ZNF322: variants seen among roughly 807,000 people sequenced by gnomAD.
The protein encoded by ZNF322 is HLA complex group 12.
Under a neutral mutation model 18.3 loss-of-function variants are expected in ZNF322, and 1 was observed. The observed-to-expected ratio is 0.05, with a 90% CI of 0.02 to 0.26. The LOEUF is 0.26. ZNF322 is among the 10% of genes least tolerant of loss of function. The probability of loss-of-function intolerance (pLI) is 1.00; values close to 1 mark genes in which losing one functional copy is unlikely to be tolerated. For missense variants in ZNF322, 36 were observed against 403.6 expected (o/e 0.09, Z 7.80); for synonymous variants, 17 against 130.7 (o/e 0.13, Z 5.93).
intron 2 of ZNF322, among the ~76,000 whole-genome samples, chr6:26,655,730 G>A (rs1454727458): frequency 2.6e-5 from 4 of 152,176 alleles, no homozygotes; most frequent in African/African-American, 9.7e-5. Context: ...CACCCTCATA[G>A]ACTAATGCCA....
At chr6:26,640,493 GCTCT>G (rs1222168922) in intron 3 of ZNF322, among the ~76,000 whole-genome samples, 2 of 151,838 alleles carry the variant, frequency 1.3e-5, no homozygotes, top group East Asian at 1.9e-4. Flanking sequence ...AATCTTCAAG[GCTCT>G]CTCTCTCACC....
At chr6:26,656,001 G>A (rs1196549655) in intron 2 of ZNF322, among the ~76,000 whole-genome samples, 2 of 152,180 alleles carry the variant, frequency 1.3e-5, no homozygotes, top group South Asian at 2.1e-4. Context: ...ATAGACAGAG[G>A]CAAAATCATA....
chr6:26,647,135 T>C (rs886133102), intron 2 of ZNF322, among the ~76,000 whole-genome samples: 2 of 151,876 alleles, frequency 1.3e-5, no homozygotes, highest in Non-Finnish European at 2.9e-5. Context: ...TGAGACCCAA[T>C]TTCTATTTTA....
At chr6:26,650,001 CA>C (rs1225076920) in intron 2 of ZNF322, among the ~76,000 whole-genome samples, 1 of 151,542 alleles carries the variant, frequency 6.6e-6, no homozygotes, top group Non-Finnish European at 1.5e-5. Context: ...CTGTGCCAGC[CA>C]AAAACATTTT....
At chr6:26,645,789 T>C (rs1295758328) in intron 2 of ZNF322, among the ~76,000 whole-genome samples, 1 of 152,170 alleles carries the variant, frequency 6.6e-6, no homozygotes, top group African/African-American at 2.4e-5. Context: ...CCCCGCACTT[T>C]GGGAGACCGA....
Position 26,638,468 on chromosome 6 carries a change from A to G in ZNF322, c.86T>C (p.Phe29Ser). The change falls in exon 4 of 4, where the codon TTT (phenylalanine) becomes TCT (serine). Residue 29 changes from phenylalanine (F) to serine (S), a missense_variant. Transcript: ENST00000415922. Reference sequence around the variant, plus strand: ...CTGAATAATCTCATGCATATGAATAAAAATCTTTTTACCCTTCCGAGGGCA... The same window carrying G: ...CTGAATAATCTCATGCATATGAATAGAAATCTTTTTACCCTTCCGAGGGCA... Reference protein sequence around the residue: ...NVCPRKGKKIFIHMHEIIQID... With the variant: ...NVCPRKGKKISIHMHEIIQID... 6.2e-7 allele frequency: 1 copy of G among 1,612,546 alleles called. No individual in the cohort carries two copies. The highest frequency in any genetic ancestry group is 1.3e-5 in the African/African-American group (1 of 75,004).
chr6:26,643,051 T>C (rs1454442530), intron 3 of ZNF322, among the ~76,000 whole-genome samples: 1 of 152,230 alleles, frequency 6.6e-6, no homozygotes, highest in African/African-American at 2.4e-5. Flanking sequence ...TGAGCTGCCC[T>C]GCTAGCCTGT....
At chr6:26,655,483 G>A (rs989236193) in intron 2 of ZNF322, among the ~76,000 whole-genome samples, 7 of 152,206 alleles carry the variant, frequency 4.6e-5, no homozygotes, top group Admixed American at 3.9e-4. Flanking sequence ...ATGGCATGTA[G>A]CTAGCAGTAC....
At chr6:26,655,759 C>T (rs142892334) in intron 2 of ZNF322, among the ~76,000 whole-genome samples, 62 of 152,264 alleles carry the variant, frequency 4.1e-4, no homozygotes, top group Non-Finnish European at 7.1e-4. Flanking sequence ...GGAGTCGGTT[C>T]CTCACAAAAA....
At chr6:26,655,843 C>A (rs782745213) in intron 2 of ZNF322, among the ~76,000 whole-genome samples, 16 of 152,142 alleles carry the variant, frequency 1.1e-4, no homozygotes, top group Non-Finnish European at 2.2e-4. Context: ...TGAAATGACA[C>A]AGCAAGAAGG....
chr6:26,652,460 G>A (rs1199208176), intron 2 of ZNF322, among the ~76,000 whole-genome samples: 4 of 152,136 alleles, frequency 2.6e-5, no homozygotes, highest in East Asian at 1.9e-4. Context: ...AGGCTGAGGC[G>A]GGTGGATCAC....
intron 2 of ZNF322, among the ~76,000 whole-genome samples, chr6:26,656,501 A>C (rs1162934035): frequency 6.6e-6 from 1 of 151,590 alleles, no homozygotes; most frequent in Non-Finnish European, 1.5e-5. Flanking sequence ...ACTTGCAATA[A>C]CTAATAAAAC....
At chr6:26,647,726 T>C (rs1172622038) in intron 2 of ZNF322, among the ~76,000 whole-genome samples, 1 of 152,116 alleles carries the variant, frequency 6.6e-6, no homozygotes, top group Non-Finnish European at 1.5e-5. Flanking sequence ...TCTATAAATC[T>C]ACACAGACCA....
chr6:26,658,877 TA>T (rs1765829539), intron 1 of ZNF322: 1 of 152,238 alleles, frequency 6.6e-6, no homozygotes, highest in Admixed American at 6.5e-5. Context: ...AGAATCTTTC[TA>T]TTACTAACTG....
chr6:26,639,078 G>A (rs1561921316), intron 3 of ZNF322, among the ~76,000 whole-genome samples: 1 of 152,132 alleles, frequency 6.6e-6, no homozygotes, highest in Non-Finnish European at 1.5e-5. Flanking sequence ...AGTATCTCTG[G>A]AGTCCTTTCT....
chr6:26,651,794 G>A (rs976222608), intron 2 of ZNF322, among the ~76,000 whole-genome samples: 4 of 152,198 alleles, frequency 2.6e-5, no homozygotes, highest in African/African-American at 9.6e-5. Flanking sequence ...AACTTCTAGA[G>A]GATAACATAG....
chr6:26,655,370 T>C (rs1468541920), intron 2 of ZNF322, among the ~76,000 whole-genome samples: 4 of 152,204 alleles, frequency 2.6e-5, no homozygotes, highest in Admixed American at 6.5e-5. Flanking sequence ...TTTTAGTAAA[T>C]ATACAACTGA....
intron 2 of ZNF322, among the ~76,000 whole-genome samples, chr6:26,656,020 A>G (rs1554149653): frequency 6.6e-6 from 1 of 152,250 alleles, no homozygotes; most frequent in Non-Finnish European, 1.5e-5. Context: ...TAAAGCAAAC[A>G]TGGTAAAATG....
At chr6:26,645,144 A>C (rs1244838805) in intron 2 of ZNF322, among the ~76,000 whole-genome samples, 1 of 152,256 alleles carries the variant, frequency 6.6e-6, no homozygotes, top group African/African-American at 2.4e-5. Flanking sequence ...AAAAAGGAAA[A>C]TATCTCTAGA....
Sources: gnomAD v4.1 joint callset for allele counts (sites outside exome capture counted in the v4.1 genomes callset) on GRCh38, gnomAD v4.1.1 for gene constraint, MANE v1.5 for transcripts, NCBI Gene and HGNC (gene_info 2026-07-23, HGNC 2026-07-21) for gene names.